Variants in ALG12 observed in about 807,000 individuals in gnomAD.
ALG12 encodes the protein dol-P-Man:Man(7)GlcNAc(2)-PP-Dol alpha-1,6-mannosyltransferase.
A neutral mutation model predicts 46.0 loss-of-function variants in ALG12; 36 were observed. The ratio of observed to expected loss-of-function variants is 0.78; its 90% CI spans 0.60 to 1.03. ALG12 has a LOEUF of 1.03. Among genes scored for constraint, ALG12 ranks in the 50% least tolerant of loss-of-function variants. The probability of loss-of-function intolerance (pLI) is 0.00; values close to 1 mark genes in which losing one functional copy is unlikely to be tolerated. For missense variants in ALG12, 599 were observed against 633.5 expected (o/e 0.95, Z 0.58); for synonymous variants, 326 against 291.6 (o/e 1.12, Z -1.20).
rs377510088 is a variant in ALG12 at position 49,910,646 on chromosome 22, A to C, written c.296-39T>G. 3.7e-6 allele frequency: 6 copies of C among 1,613,394 alleles called. No homozygotes were observed. In the African/African-American group the frequency reaches 8.0e-5, roughly 22 times the overall value. On this transcript the variant is annotated intron_variant, in intron 3 of 9. Coordinates refer to ENST00000330817, the MANE Select transcript of ALG12 (RefSeq NM_024105.4). ...GTGACAGCACCTGAGCCTGCAGTGGAGGAGTATCCAGTGGGGCCCCCTACG... is the reference window on the plus strand; with the variant it reads ...GTGACAGCACCTGAGCCTGCAGTGGCGGAGTATCCAGTGGGGCCCCCTACG...
the ALG12 span, among the ~76,000 whole-genome samples, chr22:49,890,538 A>G: frequency 6.6e-6 from 1 of 152,182 alleles, no homozygotes; most frequent in South Asian, 2.1e-4. Context: ...AGTCAGAAGG[A>G]GCAAAATCGG....
chr22:49,910,675 G>C, intron 3 of ALG12, 68 bp from the exon 4 acceptor site: 3 of 1,569,018 alleles, frequency 1.9e-6, no homozygotes, highest in Non-Finnish European at 2.6e-6. Context: ...CCCTACGTGG[G>C]TCCTTCTACA....
rs1449442041 is a variant in ALG12 at position 49,913,700 on chromosome 22, A to G, written c.66T>C (p.Thr22=). Residue 22 remains threonine (T), a synonymous_variant, in exon 2 of 10, where the codon ACT becomes ACC. Transcript: ENST00000330817. ...TGTAGGGACAGATGACCAGGTGGAC[A>G]GTGGCTACGGCCACCAGCAGCCCCA... ...LLLGLLVAVA[T]VHLVICPYTK... The G allele has an allele frequency of 3.7e-6, 6 of 1,613,586 alleles. No individual in the cohort carries two copies. The South Asian group carries it at 5.5e-5, about 15-fold the overall frequency.
At chr22:49,907,655 A>T in intron 7 of ALG12, 66 bp downstream of exon 7, 1 of 1,527,100 alleles carries the variant, frequency 6.5e-7, no homozygotes, top group Non-Finnish European at 9.0e-7. Context: ...CATCCCCCCA[A>T]CAGTAAATCA....
chr22:49,894,585 G>C, the ALG12 span, among the ~76,000 whole-genome samples: 5 of 152,222 alleles, frequency 3.3e-5, no homozygotes, highest in Admixed American at 3.3e-4. Flanking sequence ...ACAGCTCAGT[G>C]ACCAAGTGGT....
At position 49,903,893 on chromosome 22, in the gene ALG12, T is replaced by A; in HGVS notation, c.1412A>T (p.Asn471Ile). 1 of 1,613,990 alleles carries A rather than the reference T, an allele frequency of 6.2e-7. No homozygotes were observed. The highest frequency in any genetic ancestry group is 1.1e-5 in the South Asian group (1 of 91,090). The change falls in exon 10 of 10, where the codon AAC (asparagine) becomes ATC (isoleucine). Residue 471 changes from asparagine (N) to isoleucine (I), a missense_variant. By Grantham distance (149) the Asn-to-Ile change is moderately radical. Coordinates refer to ENST00000330817, the MANE Select transcript of ALG12 (RefSeq NM_024105.4). ...SLNLTQLPPF[N>I]VHLQTKLVLL... ...CACCAGCTTTGTCTGCAGGTGGACGTTGAAGGGGGGCAGTTGGGTCAGGTT... is the reference window on the plus strand; with the variant it reads ...CACCAGCTTTGTCTGCAGGTGGACGATGAAGGGGGGCAGTTGGGTCAGGTT...
chr22:49,918,182 C>G (rs1006887729), intron 1 of ALG12, 81 bp downstream of exon 1: 5 of 152,416 alleles, frequency 3.3e-5, no homozygotes, highest in African/African-American at 1.2e-4. Flanking sequence ...AGCGCCAGCT[C>G]GGGTCGCGCC....
the ALG12 span, chr22:49,885,286 C>A: frequency 6.3e-7 from 1 of 1,594,828 alleles, no homozygotes; most frequent in South Asian, 1.1e-5. Flanking sequence ...GACTGACTTG[C>A]CAACAGTGGT....
At chr22:49,862,033 G>C in the ALG12 span, among the ~76,000 whole-genome samples, 1 of 152,222 alleles carries the variant, frequency 6.6e-6, no homozygotes, top group African/African-American at 2.4e-5. Context: ...TTTTTGCCAG[G>C]ATGGTAGGGT....
chr22:49,874,138 C>G, the ALG12 span, among the ~76,000 whole-genome samples: 2 of 152,216 alleles, frequency 1.3e-5, no homozygotes, highest in African/African-American at 4.8e-5. Context: ...CAGCCGCCTC[C>G]TGCCTGGGCA....
At chr22:49,869,341 C>T in the ALG12 span, among the ~76,000 whole-genome samples, 11 of 152,186 alleles carry the variant, frequency 7.2e-5, no homozygotes, top group Non-Finnish European at 1.2e-4. Context: ...CTGCCTACCT[C>T]GTACCCGCGT....
At chr22:49,863,847 T>C in the ALG12 span, among the ~76,000 whole-genome samples, 1 of 152,200 alleles carries the variant, frequency 6.6e-6, no homozygotes. Context: ...GGATTTGATG[T>C]TGGTATTGGT....
Position 49,904,378 on chromosome 22 carries a change from A to G in ALG12, c.1121T>C (p.Val374Ala). ...YVSHFNYPGG[V>A]AMQRLHQLVP... ...CAGCTGGTGCAGCCTCTGCATTGCGACGCCACCTGGGTAGTTGAAATGGGA... is the reference window on the plus strand; with the variant it reads ...CAGCTGGTGCAGCCTCTGCATTGCGGCGCCACCTGGGTAGTTGAAATGGGA... The change falls in exon 8 of 10, where the codon GTC becomes GCC. Residue 374 changes from valine to alanine, a missense_variant. Val to Ala is a moderately conservative substitution (Grantham distance 64, BLOSUM62 0). Transcript: ENST00000330817. The G allele has an allele frequency of 6.2e-7, 1 of 1,614,108 alleles. No homozygotes were observed. Among genetic ancestry groups the G allele is most frequent in the Non-Finnish European group, 8.5e-7 (1 of 1,180,014 alleles).
chr22:49,892,185 C>CT, the ALG12 span, among the ~76,000 whole-genome samples: 1 of 57,470 alleles, frequency 1.7e-5, no homozygotes, highest in Non-Finnish European at 2.8e-5. Flanking sequence ...AAGACTCTGT[C>CT]TCAAAAAAAA....
chr22:49,910,745 G>A, intron 3 of ALG12, 138 bp from the exon 4 acceptor site: 2 of 1,035,460 alleles, frequency 1.9e-6, no homozygotes, highest in East Asian at 2.5e-5. Flanking sequence ...GCTACGTCAG[G>A]CAAAGCAGCC....
At chr22:49,874,422 A>G in the ALG12 span, among the ~76,000 whole-genome samples, 33 of 146,988 alleles carry the variant, frequency 2.2e-4, 2 homozygotes, top group South Asian at 1.9e-3. Context: ...GTCTTGCTCT[A>G]TCTCCCAGGC....
chr22:49,894,129 C>T, the ALG12 span, among the ~76,000 whole-genome samples: 3 of 152,168 alleles, frequency 2.0e-5, no homozygotes, highest in African/African-American at 7.2e-5. Context: ...GGCACCACTG[C>T]ATTCTAGCCT....
At chr22:49,873,264 G>A in the ALG12 span, among the ~76,000 whole-genome samples, 2 of 152,210 alleles carry the variant, frequency 1.3e-5, no homozygotes, top group African/African-American at 4.8e-5. Flanking sequence ...AATGAGAGAC[G>A]TGATACTTCC....
the ALG12 span, among the ~76,000 whole-genome samples, chr22:49,861,811 G>T: frequency 1.3e-5 from 2 of 152,164 alleles, no homozygotes; most frequent in Non-Finnish European, 2.9e-5. Flanking sequence ...ATCCTTTGCC[G>T]TGGGATGCCG....
Sources: allele counts gnomAD v4.1 joint callset (sites outside exome capture counted in the v4.1 genomes callset), GRCh38; gene constraint gnomAD v4.1.1; transcripts MANE v1.5; gene names NCBI Gene and HGNC (gene_info 2026-07-23, HGNC 2026-07-21).